Variants in LCORL observed in about 807,000 individuals in gnomAD.
The protein encoded by LCORL is ligand dependent nuclear receptor corepressor like.
A neutral mutation model predicts 141.8 loss-of-function variants in LCORL; 41 were observed. The observed-to-expected ratio is 0.29, with a 90% CI of 0.23 to 0.38. LCORL has a LOEUF of 0.38. Ranked by LOEUF, LCORL falls within the 10% of genes least tolerant of loss-of-function variation. The probability of loss-of-function intolerance (pLI) is 1.00; values close to 1 mark genes in which losing one functional copy is unlikely to be tolerated. For synonymous variants in LCORL, 618 were observed against 694.1 expected, an observed-to-expected ratio of 0.89 and a Z score of 1.72; for missense variants, 1,759 against 2,035.0, an observed-to-expected ratio of 0.86 and a Z score of 2.61.
chr4:17,912,429 TG>T (rs1225622307), intron 4 of LCORL: 1 of 600,000 alleles, frequency 1.7e-6, no homozygotes, highest in Non-Finnish European at 3.2e-6. Flanking sequence ...CTCAGGACCT[TG>T]CCAAGATCAT....
At chr4:17,928,661 C>T (rs1272925034) in intron 4 of LCORL, among the ~76,000 whole-genome samples, 1 of 152,082 alleles carries the variant, frequency 6.6e-6, no homozygotes, top group African/African-American at 2.4e-5. Flanking sequence ...AAGCTTTCCC[C>T]CAGAATGCTT....
At chr4:18,019,142 C>T (rs1310417530) in intron 1 of LCORL, among the ~76,000 whole-genome samples, 1 of 152,132 alleles carries the variant, frequency 6.6e-6, no homozygotes. Flanking sequence ...GATTCGAGAC[C>T]AGCCTGGCCA....
chr4:17,975,584 T>A (rs1413073247), intron 1 of LCORL, among the ~76,000 whole-genome samples: 1 of 152,042 alleles, frequency 6.6e-6, no homozygotes, highest in Non-Finnish European at 1.5e-5. Context: ...TTAGTAGAGA[T>A]GAGGTTTCAC....
exon 7 of LCORL, chr4:17,876,148 T>C: frequency 1.6e-6 from 2 of 1,230,978 alleles, no homozygotes; most frequent in Non-Finnish European, 2.0e-6. Flanking sequence ...GAACTTTCAG[T>C]ACCTTCATAT....
chr4:17,850,339 C>T (rs1273288939), intron 7 of LCORL, among the ~76,000 whole-genome samples: 4 of 150,128 alleles, frequency 2.7e-5, no homozygotes, highest in African/African-American at 9.8e-5. Context: ...TCAGAGTGAA[C>T]AGGCAACCTA....
intron 7 of LCORL, among the ~76,000 whole-genome samples, chr4:17,859,041 T>TA (rs922385536): frequency 1.1e-4 from 16 of 152,288 alleles, no homozygotes; most frequent in Middle Eastern, 3.4e-3. Context: ...TGATTTAACT[T>TA]AGAGTTTTTC....
Position 17,966,833 on chromosome 4 carries a change from G to A in LCORL, c.221-3784C>T, listed in dbSNP as rs527890363. Among the ~76,000 whole-genome samples the A allele has an allele frequency of 6.6e-5, 10 of 152,234 alleles. No individual in the cohort carries two copies. The South Asian group carries it at 1.7e-3, about 25-fold the overall frequency. On this transcript the variant is annotated intron_variant, in intron 2 of 7. Transcript: ENST00000635767. Reference sequence around the variant, plus strand: ...GCAACAGGAACTTTCATCCATTGCTGGTGGGAATGCGAAATGGTACAGCTA... The same window carrying A: ...GCAACAGGAACTTTCATCCATTGCTAGTGGGAATGCGAAATGGTACAGCTA...
chr4:18,012,320 C>T (rs1723934212), intron 1 of LCORL, among the ~76,000 whole-genome samples: 2 of 152,218 alleles, frequency 1.3e-5, no homozygotes, highest in South Asian at 4.1e-4. Context: ...AAGACGCCTG[C>T]AGCTCCAGCT....
chr4:17,843,277 T>A, exon 8 of LCORL: 2 of 1,596,064 alleles, frequency 1.3e-6, no homozygotes, highest in South Asian at 2.3e-5. Flanking sequence ...GTATCTAAAT[T>A]CGTGTATTTT....
In LCORL at chr4:18,021,533, A is replaced by G. The variant is rs1359528425; in HGVS notation, c.154+65T>C. On this transcript the variant is annotated intron_variant, in intron 1 of 7. Coordinates refer to ENST00000635767, the Ensembl canonical transcript of LCORL. The surrounding 1 kb of genome is among the most constrained non-coding windows in gnomAD (Gnocchi z 5.5). ...GATTCAACTAAACCCCTCAGCCACA[A>G]ACTCCTCGGGCTGCGACAGCGGTCG... 4.2e-6 allele frequency: 6 copies of G among 1,417,214 alleles called. No homozygotes were observed. In the African/African-American group the frequency reaches 6.1e-5, roughly 14 times the overall value. The allele number at this position is 1,417,214 out of a possible 1,614,324, so 87.8% of individuals were successfully genotyped here.
intron 4 of LCORL, among the ~76,000 whole-genome samples, chr4:17,922,794 C>G (rs1250738957): frequency 1.3e-5 from 2 of 152,162 alleles, no homozygotes; most frequent in Non-Finnish European, 2.9e-5. Flanking sequence ...CCTGATGAGG[C>G]TGGGAACACT....
chr4:17,931,370 C>T (rs1320883971), intron 4 of LCORL, among the ~76,000 whole-genome samples: 1 of 151,724 alleles, frequency 6.6e-6, no homozygotes, highest in Middle Eastern at 3.4e-3. Context: ...GTTCTTTATT[C>T]GGATTTACTT....
intron 2 of LCORL, 33 bp from the exon 3 acceptor site, chr4:17,963,082 C>A: frequency 8.1e-7 from 1 of 1,233,304 alleles, no homozygotes; most frequent in Non-Finnish European, 1.2e-6. Context: ...ATTAAATATA[C>A]TAACTTTATT....
intron 4 of LCORL, among the ~76,000 whole-genome samples, chr4:17,940,367 T>C (rs1737730214): frequency 6.8e-6 from 1 of 146,836 alleles, no homozygotes; most frequent in African/African-American, 2.5e-5. Context: ...GCTCCTTCTC[T>C]GAATCATGTT....
At chr4:17,876,879 G>T in exon 7 of LCORL, 3 of 1,230,742 alleles carry the variant, frequency 2.4e-6, no homozygotes, top group Non-Finnish European at 1.0e-6. Context: ...ACTATGAAGA[G>T]GTAGTTGCAG....
intron 3 of LCORL, 122 bp from the exon 4 acceptor site, chr4:17,962,154 CAAATT>C: frequency 2.1e-6 from 1 of 480,390 alleles, no homozygotes; most frequent in Middle Eastern, 3.2e-4. Flanking sequence ...TAAATTGTAT[CAAATT>C]AGATAGAGGG....
chr4:17,999,642 A>G (rs1438570648), intron 1 of LCORL, among the ~76,000 whole-genome samples: 1 of 152,214 alleles, frequency 6.6e-6, no homozygotes, highest in Non-Finnish European at 1.5e-5. Flanking sequence ...AAAGAAACTC[A>G]AAAGCACAAT....
chr4:17,965,053 G>A (rs1252369756), intron 2 of LCORL, among the ~76,000 whole-genome samples: 1 of 151,980 alleles, frequency 6.6e-6, no homozygotes, highest in Non-Finnish European at 1.5e-5. Flanking sequence ...TAATATCAAG[G>A]CATCCTGAGA....
intron 4 of LCORL, among the ~76,000 whole-genome samples, chr4:17,957,067 C>G (rs10446630): frequency 0.24 from 36,973 of 151,706 alleles, 5,868 homozygotes; most frequent in African/African-American, 0.45. Flanking sequence ...TAAAGGAAAA[C>G]AGCGTTGGAA....
Sources: allele counts gnomAD v4.1 joint callset (sites outside exome capture counted in the v4.1 genomes callset), GRCh38; gene constraint gnomAD v4.1.1; non-coding constraint Gnocchi (gnomAD v3.1); transcripts MANE v1.5; gene names NCBI Gene and HGNC (gene_info 2026-07-23, HGNC 2026-07-21).